RYR2: variants seen among roughly 807,000 people sequenced by gnomAD.
The protein encoded by RYR2 is ryanodine receptor 2, also known as cardiac muscle ryanodine receptor-calcium release channel.
RYR2 carries 227 observed loss-of-function variants against 601.1 expected under a neutral mutation model. That is an observed-to-expected ratio of 0.38 (90% confidence interval 0.34 to 0.42). The LOEUF (loss-of-function observed/expected upper bound fraction) is 0.42. Among genes scored for constraint, RYR2 ranks in the 10% least tolerant of loss-of-function variants. The probability of loss-of-function intolerance (pLI) is 1.00; values close to 1 mark genes in which losing one functional copy is unlikely to be tolerated. For missense variants in RYR2, 4,646 were observed against 6,156.5 expected (o/e 0.75, Z 8.21); for synonymous variants, 2,223 against 2,175.1 (o/e 1.02, Z -0.61).
chr1:237,567,986 A>T (rs1672276185), intron 28 of RYR2, among the ~76,000 whole-genome samples: 1 of 152,078 alleles, frequency 6.6e-6, no homozygotes, highest in Admixed American at 6.6e-5. Context: ...GGGCGGTCAA[A>T]ATTAGCAAAC....
At chr1:237,096,039 A>G (rs1240126951) in intron 1 of RYR2, among the ~76,000 whole-genome samples, 1 of 152,250 alleles carries the variant, frequency 6.6e-6, no homozygotes, top group Non-Finnish European at 1.5e-5. Flanking sequence ...GGACTTAGAG[A>G]CTATCACGGG....
At chr1:237,570,289 AT>A (rs1672542883) in intron 29 of RYR2, among the ~76,000 whole-genome samples, 1 of 151,298 alleles carries the variant, frequency 6.6e-6, no homozygotes, top group African/African-American at 2.4e-5. Context: ...TGCACTCCCA[AT>A]TTGGTGGCCT....
intron 76 of RYR2, among the ~76,000 whole-genome samples, chr1:237,730,043 A>C (rs1188649546): frequency 1.3e-5 from 2 of 152,176 alleles, no homozygotes; most frequent in East Asian, 3.8e-4. Context: ...CCAATGTTAC[A>C]AAGCTTGGAA....
intron 54 of RYR2, among the ~76,000 whole-genome samples, chr1:237,659,748 T>C (rs913918871): frequency 1.4e-4 from 22 of 152,214 alleles, no homozygotes; most frequent in Non-Finnish European, 2.8e-4. Context: ...AAATACATCA[T>C]GCAATATGTC....
intron 96 of RYR2, among the ~76,000 whole-genome samples, chr1:237,797,253 G>T (rs1659363903): frequency 6.6e-6 from 1 of 152,106 alleles, no homozygotes; most frequent in Non-Finnish European, 1.5e-5. Flanking sequence ...TGGGACAGAA[G>T]AGAAATAAGC....
chr1:237,683,828 G>A (rs74373300), intron 62 of RYR2, among the ~76,000 whole-genome samples: 8,033 of 152,286 alleles, frequency 0.053, 270 homozygotes, highest in Middle Eastern at 0.13. Context: ...GGCCATGGCA[G>A]GCACCTGGAG....
At chr1:237,641,947 G>A (rs61832663) in intron 47 of RYR2, among the ~76,000 whole-genome samples, 1 of 151,994 alleles carries the variant, frequency 6.6e-6, no homozygotes, top group Non-Finnish European at 1.5e-5. Context: ...TTATTTTATT[G>A]TAGTTGATTC....
chr1:237,558,382 A>G (rs898789247), intron 27 of RYR2, among the ~76,000 whole-genome samples: 3 of 152,214 alleles, frequency 2.0e-5, no homozygotes, highest in African/African-American at 7.2e-5. Context: ...TGTTGGGTAT[A>G]GAATTCTCAG....
chr1:237,339,582 T>G (rs1400984205), intron 3 of RYR2, among the ~76,000 whole-genome samples: 1 of 152,166 alleles, frequency 6.6e-6, no homozygotes, highest in Non-Finnish European at 1.5e-5. Flanking sequence ...AATCATATAC[T>G]GTCTTGTCAT....
chr1:237,517,782 C>T (rs779031230), intron 24 of RYR2, among the ~76,000 whole-genome samples: 6 of 152,164 alleles, frequency 3.9e-5, no homozygotes, highest in Non-Finnish European at 7.3e-5. Context: ...GATAAACCTA[C>T]ATTGACACAT....
At chr1:237,437,736 T>C (rs896323025) in intron 12 of RYR2, among the ~76,000 whole-genome samples, 5 of 152,242 alleles carry the variant, frequency 3.3e-5, no homozygotes, top group Non-Finnish European at 5.9e-5. Context: ...AAAGCAGTGC[T>C]TGCAATAATT....
chr1:237,068,796 G>C (rs1233418223), intron 1 of RYR2, among the ~76,000 whole-genome samples: 1 of 152,120 alleles, frequency 6.6e-6, no homozygotes, highest in Non-Finnish European at 1.5e-5. Context: ...GGCTTTTGGT[G>C]TATAAAATGA....
chr1:237,392,985 G>A (rs748177616), intron 10 of RYR2, among the ~76,000 whole-genome samples: 11 of 152,204 alleles, frequency 7.2e-5, no homozygotes, highest in Non-Finnish European at 1.3e-4. Flanking sequence ...CAATAAATAC[G>A]TTTATTTCTA....
intron 81 of RYR2, among the ~76,000 whole-genome samples, chr1:237,757,433 A>G (rs1693047968): frequency 6.6e-6 from 1 of 152,202 alleles, no homozygotes; most frequent in Admixed American, 6.5e-5. Flanking sequence ...TTTCAAAATC[A>G]GTTGTCTTCC....
intron 76 of RYR2, among the ~76,000 whole-genome samples, chr1:237,729,027 G>A (rs1690452645): frequency 6.6e-6 from 1 of 152,012 alleles, no homozygotes; most frequent in South Asian, 2.1e-4. Flanking sequence ...TCATTGCCCA[G>A]ATTTCATCAG....
chr1:237,374,080 C>A (rs1321847583), intron 6 of RYR2, among the ~76,000 whole-genome samples: 2 of 152,088 alleles, frequency 1.3e-5, no homozygotes, highest in Non-Finnish European at 2.9e-5. Context: ...AGGATATTGC[C>A]CCTAATGCAT....
At chr1:237,374,677 C>T (rs770866362) in intron 6 of RYR2, 40 bp from the exon 7 acceptor site, 3 of 1,537,540 alleles carry the variant, frequency 2.0e-6, no homozygotes, top group South Asian at 1.2e-5. Flanking sequence ...AACAGACGAA[C>T]AAAACCTCTA....
chr1:237,410,936 T>C (rs1314359204), intron 10 of RYR2, among the ~76,000 whole-genome samples: 3 of 152,188 alleles, frequency 2.0e-5, no homozygotes, highest in African/African-American at 4.8e-5. Flanking sequence ...ATTTTACAAA[T>C]GTATTGCGAT....
rs1553449562 is a variant in RYR2 at position 237,432,210 on chromosome 1, T to TA, written c.1005+8971dup. ...CAGAGCAATGACTTTAGGCTTTTTT[T>TA]AAAAAAAAATGCCTTTTACAGTTTA... On this transcript the variant is annotated intron_variant, in intron 12 of 104. Coordinates refer to ENST00000366574, the MANE Select transcript of RYR2 (RefSeq NM_001035.3). Among the ~76,000 whole-genome samples, 39 of 128,670 alleles carry TA rather than the reference T, an allele frequency of 3.0e-4. No homozygotes were observed. The South Asian group carries it at 8.5e-3, about 28-fold the overall frequency. 84.4% of individuals were successfully genotyped at this position (128,670 alleles called of 152,430 possible).
Sources: allele counts gnomAD v4.1 joint callset (sites outside exome capture counted in the v4.1 genomes callset), GRCh38; gene constraint gnomAD v4.1.1; transcripts MANE v1.5; gene names NCBI Gene and HGNC (gene_info 2026-07-23, HGNC 2026-07-21).